ITIH6: variants seen among roughly 807,000 people sequenced by gnomAD.
ITIH6 encodes the protein inter-alpha-trypsin inhibitor heavy chain family member 6.
Under a neutral mutation model 58.2 loss-of-function variants are expected in ITIH6, and 60 were observed. The observed-to-expected ratio is 1.03, with a 90% confidence interval of 0.84 to 1.28. ITIH6 has a LOEUF of 1.28. ITIH6 is among the 50% of genes most tolerant of loss of function. The pLI is 0.00. For missense variants in ITIH6, 1,290 were observed against 1,021.1 expected (o/e 1.26, Z -3.59); for synonymous variants, 493 against 417.4 (o/e 1.18, Z -2.21).
At chrX:54,786,186 A>G (rs1176851203) in intron 5 of ITIH6, among the ~76,000 whole-genome samples, 1 of 111,769 alleles carries the variant, frequency 8.9e-6, no homozygotes, top group Non-Finnish European at 1.9e-5. Context: ...GTTGCCTTCA[A>G]TCCTCGGGTG....
At chrX:54,773,061 T>C (rs1385472533) in intron 6 of ITIH6, among the ~76,000 whole-genome samples, 1 of 112,018 alleles carries the variant, frequency 8.9e-6, no homozygotes, top group Non-Finnish European at 1.9e-5. Flanking sequence ...TTGCTTCTGT[T>C]GTCTTTGGTT....
intron 6 of ITIH6, among the ~76,000 whole-genome samples, chrX:54,763,878 T>C (rs1245458569): frequency 8.9e-6 from 1 of 112,382 alleles, no homozygotes; most frequent in Admixed American, 9.5e-5. Context: ...TTAAGGATTG[T>C]TTGTCTTCTT....
At position 54,758,490 on chromosome X, in the gene ITIH6, C is replaced by T; in HGVS notation, c.1584G>A (p.Gln528=). ...CTTCACTGTGGTGGGCCACAAGAAG[C>T]TGATCCTTGGGGCCACGGGCTGCCA... ...IHLAARGPKD[Q]LLVAHHSEGA... is the part of the protein sequence containing the mutation. The change falls in exon 8 of 13, where the codon CAG becomes CAA. Residue 528 remains glutamine (Q), a synonymous_variant. Coordinates refer to ENST00000218436, the MANE Select transcript of ITIH6 (RefSeq NM_198510.3). 8.3e-7 allele frequency: 1 copy of T among 1,210,513 alleles called. No individual in the cohort carries two copies. Among genetic ancestry groups the T allele is most frequent in the East Asian group, 3.0e-5 (1 of 33,758 alleles).
chrX:54,782,673 A>C (rs1929169862), intron 5 of ITIH6, among the ~76,000 whole-genome samples: 1 of 111,871 alleles, frequency 8.9e-6, no homozygotes, highest in Non-Finnish European at 1.9e-5. Context: ...GAACAATAAC[A>C]TGCAACAAGA....
At chrX:54,767,914 G>T (rs1230932199) in intron 6 of ITIH6, among the ~76,000 whole-genome samples, 1 of 80,128 alleles carries the variant, frequency 1.2e-5, no homozygotes, top group Non-Finnish European at 2.2e-5. Context: ...GGTCCGCTTG[G>T]TGCAGAGCTG....
chrX:54,759,773 C>T lies in ITIH6; in HGVS notation c.1058G>A (p.Cys353Tyr), dbSNP rs758265809. The T allele has an allele frequency of 4.7e-5, 57 of 1,206,957 alleles. No homozygotes were observed. The East Asian group carries it at 1.5e-3, about 33-fold the overall frequency. ...ACACTTACAGCCATCGGCTTCCATG[C>T]AATGCAGGTAGTCCTTGGCACTGTG... ...NVHSAKDYLH[C>Y]MEADGWTDVN... is the part of the protein sequence containing the mutation. The change falls in exon 7 of 13, where the codon TGC becomes TAC. Residue 353 changes from cysteine (C) to tyrosine (Y), a missense_variant. Coordinates refer to ENST00000218436, the MANE Select transcript of ITIH6 (RefSeq NM_198510.3).
chrX:54,797,098 T>C lies in ITIH6; in HGVS notation c.103-2A>G, dbSNP rs753630615. ...CATAGAATAGCTTGTCATTAACAAC[T>C]GAGAGAGAAGACAGGAGGAGGTGTT... On this transcript the variant is annotated splice_acceptor_variant, in intron 1 of 12. Coordinates refer to ENST00000218436, the MANE Select transcript of ITIH6 (RefSeq NM_198510.3). LOFTEE classifies it high-confidence loss of function. 5.0e-6 allele frequency: 6 copies of C among 1,207,278 alleles called. No homozygotes were observed. The highest frequency in any genetic ancestry group is 4.5e-6 in the Non-Finnish European group (4 of 892,603).
At chrX:54,761,845 G>T (rs1928652903) in intron 6 of ITIH6, among the ~76,000 whole-genome samples, 1 of 112,017 alleles carries the variant, frequency 8.9e-6, no homozygotes, top group Middle Eastern at 4.6e-3. Context: ...CTGTAGCCTT[G>T]TAGTATAGTT....
chrX:54,785,857 C>G (rs1420762124), intron 5 of ITIH6, among the ~76,000 whole-genome samples: 10 of 111,482 alleles, frequency 9.0e-5, no homozygotes, highest in Non-Finnish European at 1.9e-4. Flanking sequence ...TGGGCTGCTT[C>G]ACCTTAGCTT....
In ITIH6 at chrX:54,758,859, C is replaced by T. The variant is rs372848668; in HGVS notation, c.1215G>A (p.Thr405=). The T allele has an allele frequency of 1.1e-4, 131 of 1,209,423 alleles. No individual in the cohort carries two copies. The highest frequency in any genetic ancestry group is 2.3e-4 in the Middle Eastern group (1 of 4,367). ...CATTGGAGAGGATCACACTGGGGGT[C>T]GTCACGCCGGCCGTGGGCTCCCCAT... ...LTDGEPTAGV[T]TPSVILSNVR... Residue 405 remains threonine, a synonymous_variant, in exon 8 of 13, where the codon ACG becomes ACA. Coordinates refer to ENST00000218436, the MANE Select transcript of ITIH6 (RefSeq NM_198510.3).
At chrX:54,768,300 G>A (rs1161746579) in intron 6 of ITIH6, among the ~76,000 whole-genome samples, 1 of 74,010 alleles carries the variant, frequency 1.4e-5, no homozygotes, top group Non-Finnish European at 2.4e-5. Context: ...CACGTGAGAT[G>A]GGTTTCCTGA....
intron 6 of ITIH6, among the ~76,000 whole-genome samples, chrX:54,772,782 T>A (rs1928978162): frequency 8.9e-6 from 1 of 112,137 alleles, no homozygotes. Flanking sequence ...CTAAAACTAC[T>A]ATTTTTTTGA....
chrX:54,781,979 G>A (rs773102853), intron 5 of ITIH6, among the ~76,000 whole-genome samples: 1 of 111,689 alleles, frequency 9.0e-6, no homozygotes, highest in Non-Finnish European at 1.9e-5. Context: ...ACTAACACAC[G>A]AACAGAAAAC....
chrX:54,750,826 C>A lies in ITIH6; in HGVS notation c.3730+177G>T, dbSNP rs183915186. On this transcript the variant is annotated intron_variant, in intron 12 of 12. Transcript: ENST00000218436. Reference sequence around the variant, plus strand: ...GCAGCTTTCTGTCCAGCAATGATCCCCTCCTGTGTTCACTATCCATATCTG... The same window carrying A: ...GCAGCTTTCTGTCCAGCAATGATCCACTCCTGTGTTCACTATCCATATCTG... Among the ~76,000 whole-genome samples the A allele has an allele frequency of 1.6e-4, 18 of 112,123 alleles. 1 individual carries two copies. In the East Asian group the frequency reaches 2.8e-3, roughly 18 times the overall value.
intron 5 of ITIH6, among the ~76,000 whole-genome samples, chrX:54,776,648 C>T (rs1174155721): frequency 1.8e-5 from 2 of 110,905 alleles, no homozygotes; most frequent in African/African-American, 6.6e-5. Context: ...GCGAGGCCCC[C>T]TTTCCAGGCC....
chrX:54,786,942 A>G (rs1025079163), intron 5 of ITIH6, among the ~76,000 whole-genome samples: 6 of 111,571 alleles, frequency 5.4e-5, no homozygotes, highest in African/African-American at 2.0e-4. Flanking sequence ...AACGAAGGGC[A>G]CACTCAAGTA....
intron 11 of ITIH6, among the ~76,000 whole-genome samples, chrX:54,751,966 A>G (rs1478444304): frequency 9.0e-6 from 1 of 111,270 alleles, no homozygotes; most frequent in African/African-American, 3.3e-5. Flanking sequence ...GAATACCTGG[A>G]AATTGGGATT....
rs1328651773 is a variant in ITIH6 at position 54,761,288 on chromosome X, C to G, written c.904-1361G>C. 6.3e-5 allele frequency among the ~76,000 whole-genome samples: 7 copies of G among 111,322 alleles called. No homozygotes were observed. The East Asian group carries it at 1.7e-3, about 27-fold the overall frequency. On this transcript the variant is annotated intron_variant, in intron 6 of 12. Coordinates refer to ENST00000218436, the MANE Select transcript of ITIH6 (RefSeq NM_198510.3). Reference sequence around the variant, plus strand: ...TCACCCACTTTTTGATGGGGTTGTTCTTTTTTTCTTGTAAATTTGTTTGAG... The same window carrying G: ...TCACCCACTTTTTGATGGGGTTGTTGTTTTTTTCTTGTAAATTTGTTTGAG...
intron 5 of ITIH6, among the ~76,000 whole-genome samples, chrX:54,787,987 G>T (rs781431194): frequency 9.0e-6 from 1 of 110,956 alleles, no homozygotes; most frequent in Non-Finnish European, 1.9e-5. Context: ...TCCCATCTGG[G>T]AGAGTGTGGG....
Sources: allele counts gnomAD v4.1 joint callset (sites outside exome capture counted in the v4.1 genomes callset), GRCh38; gene constraint gnomAD v4.1.1; transcripts MANE v1.5; gene names NCBI Gene and HGNC (gene_info 2026-07-23, HGNC 2026-07-21).